Variants in C16orf74 observed in about 807,000 individuals in gnomAD.
C16orf74 encodes the protein calcimembrin, also known as uncharacterized protein C16orf74.
C16orf74 carries 10 observed loss-of-function variants against 6.5 expected under a neutral mutation model. The ratio of observed to expected loss-of-function variants is 1.54; its 90% CI spans 0.95 to 2.61. C16orf74 has a LOEUF of 2.61. Ranked by LOEUF, C16orf74 falls within the 30% of genes most tolerant of loss-of-function variation. The pLI is 0.00. For synonymous variants in C16orf74, 60 were observed against 42.5 expected (o/e 1.41, Z -1.60); for missense variants, 141 against 105.9 (o/e 1.33, Z -1.45).
intron 2 of C16orf74, among the ~76,000 whole-genome samples, chr16:85,716,518 CA>C (rs1215885896): frequency 3.3e-5 from 3 of 90,358 alleles, no homozygotes; most frequent in Admixed American, 3.0e-4. Context: ...AGGGAGGAGA[CA>C]GGGGAGAAGG....
intron 2 of C16orf74, among the ~76,000 whole-genome samples, chr16:85,718,886 C>A (rs1334325513): frequency 6.6e-6 from 1 of 152,136 alleles, no homozygotes; most frequent in Non-Finnish European, 1.5e-5. Flanking sequence ...GGCTACTGTT[C>A]CAGCCCCGAG....
At chr16:85,739,183 G>T (rs1206757624) in intron 1 of C16orf74, among the ~76,000 whole-genome samples, 1 of 152,146 alleles carries the variant, frequency 6.6e-6, no homozygotes, top group Admixed American at 6.5e-5. Context: ...AAGCCAGAGG[G>T]AAAGCTGCAC....
intron 2 of C16orf74, among the ~76,000 whole-genome samples, chr16:85,712,009 G>T (rs1254830430): frequency 6.6e-6 from 1 of 152,206 alleles, no homozygotes; most frequent in Non-Finnish European, 1.5e-5. Context: ...GACTTCCACG[G>T]TGAGGTCATA....
intron 2 of C16orf74, among the ~76,000 whole-genome samples, chr16:85,733,922 G>C (rs574317929): frequency 1.3e-5 from 2 of 152,206 alleles, no homozygotes; most frequent in Admixed American, 6.5e-5. Context: ...CCTCCCTCCA[G>C]GCCAAAGGGG....
At chr16:85,736,063 C>T (rs889501) in intron 1 of C16orf74, among the ~76,000 whole-genome samples, 63,232 of 151,940 alleles carry the variant, frequency 0.42, 13,883 homozygotes, top group East Asian at 0.73. Flanking sequence ...GGCCCCACCC[C>T]ACAGGGGCCT....
At chr16:85,728,431 C>G (rs755626699) in intron 2 of C16orf74, among the ~76,000 whole-genome samples, 1 of 152,174 alleles carries the variant, frequency 6.6e-6, no homozygotes, top group South Asian at 2.1e-4. Context: ...CCCCAAGGGA[C>G]CTTCCCCAGG....
At chr16:85,732,665 C>CAAAAAAAAAA (rs66539936) in intron 2 of C16orf74, among the ~76,000 whole-genome samples, 2 of 44,170 alleles carry the variant, frequency 4.5e-5, no homozygotes, top group African/African-American at 1.4e-4. Flanking sequence ...GACTCTGTCT[C>CAAAAAAAAAA]AAAAAAAAAA....
intron 2 of C16orf74, among the ~76,000 whole-genome samples, chr16:85,712,413 T>G (rs1200693235): frequency 1.3e-5 from 2 of 152,190 alleles, no homozygotes; most frequent in African/African-American, 4.8e-5. Context: ...CCTGACCCAG[T>G]AGGAAGGGAT....
intron 2 of C16orf74, among the ~76,000 whole-genome samples, chr16:85,726,058 T>G (rs993975072): frequency 1.3e-5 from 2 of 152,184 alleles, no homozygotes; most frequent in African/African-American, 4.8e-5. Context: ...TGCTGTTCCT[T>G]CTGCCTGGAA....
At chr16:85,732,637 G>T (rs374177285) in intron 2 of C16orf74, among the ~76,000 whole-genome samples, 1 of 141,362 alleles carries the variant, frequency 7.1e-6, no homozygotes. Flanking sequence ...CTGCACTCCA[G>T]CCTGGGTGAC....
intron 2 of C16orf74, among the ~76,000 whole-genome samples, chr16:85,727,441 A>C (rs1158477328): frequency 6.6e-6 from 1 of 152,222 alleles, no homozygotes; most frequent in East Asian, 1.9e-4. Flanking sequence ...GAGGTATGAC[A>C]ACTAAATATC....
At position 85,734,440 on chromosome 16, in the gene C16orf74, G is replaced by C. The variant is rs558762012; in HGVS notation, c.28+750C>G. Reference sequence around the variant, plus strand: ...GGGTAGGTGGCCTCTGCCTGGAAGGGGCTGCTGGGGTCAGGTAGGTGGCCC... The same window carrying C: ...GGGTAGGTGGCCTCTGCCTGGAAGGCGCTGCTGGGGTCAGGTAGGTGGCCC... On this transcript the variant is annotated intron_variant, in intron 2 of 3. Coordinates refer to ENST00000284245, the MANE Select transcript of C16orf74 (RefSeq NM_206967.3). Among the ~76,000 whole-genome samples the C allele has an allele frequency of 3.9e-5, 6 of 152,298 alleles. No individual in the cohort carries two copies. The South Asian group carries it at 1.2e-3, about 32-fold the overall frequency.
chr16:85,731,288 A>G (rs910678692), intron 2 of C16orf74, among the ~76,000 whole-genome samples: 16 of 152,382 alleles, frequency 1.0e-4, no homozygotes, highest in African/African-American at 3.8e-4. Flanking sequence ...CCATTGTTCA[A>G]TATGTATTAA....
At chr16:85,731,458 G>A (rs374869915) in intron 2 of C16orf74, among the ~76,000 whole-genome samples, 6 of 152,208 alleles carry the variant, frequency 3.9e-5, no homozygotes, top group African/African-American at 1.4e-4. Context: ...CCTGGAAACA[G>A]GTGGGTGGGT....
At chr16:85,725,209 G>T (rs949678089) in intron 2 of C16orf74, among the ~76,000 whole-genome samples, 1 of 152,206 alleles carries the variant, frequency 6.6e-6, no homozygotes, top group African/African-American at 2.4e-5. Flanking sequence ...CTGAGCCGAA[G>T]GGAGGCTGGA....
At chr16:85,722,525 C>T (rs1444480431) in intron 2 of C16orf74, among the ~76,000 whole-genome samples, 1 of 152,186 alleles carries the variant, frequency 6.6e-6, no homozygotes, top group Non-Finnish European at 1.5e-5. Flanking sequence ...ACTGTCACTC[C>T]CAGCTCAGGT....
At chr16:85,731,543 G>A (rs2054187544) in intron 2 of C16orf74, among the ~76,000 whole-genome samples, 1 of 152,176 alleles carries the variant, frequency 6.6e-6, no homozygotes, top group South Asian at 2.1e-4. Flanking sequence ...CCCTCCTCCT[G>A]GTGCCCTGGG....
intron 2 of C16orf74, among the ~76,000 whole-genome samples, chr16:85,715,238 A>G (rs190161347): frequency 2.0e-5 from 3 of 151,862 alleles, no homozygotes; most frequent in African/African-American, 7.3e-5. Flanking sequence ...AAAGGAAGTC[A>G]CTTGGAGAGA....
chr16:85,727,762 T>C (rs1330858804), intron 2 of C16orf74, among the ~76,000 whole-genome samples: 4 of 151,546 alleles, frequency 2.6e-5, no homozygotes, highest in Non-Finnish European at 5.9e-5. Context: ...TGCAGTGAGC[T>C]GAGGTTGTGC....
Sources: gnomAD v4.1 joint callset for allele counts (sites outside exome capture counted in the v4.1 genomes callset) on GRCh38, gnomAD v4.1.1 for gene constraint, MANE v1.5 for transcripts, NCBI Gene and HGNC (gene_info 2026-07-23, HGNC 2026-07-21) for gene names.